The following RIMS1 variants were observed in gnomAD, a reference collection of about 807,000 sequenced individuals.
RIMS1 encodes regulating synaptic membrane exocytosis protein 1.
In RIMS1, 83 loss-of-function variants were observed where a neutral mutation model predicts 214.1. The observed-to-expected ratio is 0.39, with a 90% CI of 0.32 to 0.47. The LOEUF is 0.47. Ranked by LOEUF, RIMS1 falls within the 20% of genes least tolerant of loss-of-function variation. The pLI is 0.99. For missense variants in RIMS1, 2,050 were observed against 2,161.8 expected (o/e 0.95, Z 1.03); for synonymous variants, 793 against 786.8 (o/e 1.01, Z -0.13).
At chr6:71,982,701 C>A (rs923456599) in intron 2 of RIMS1, among the ~76,000 whole-genome samples, 13 of 152,220 alleles carry the variant, frequency 8.5e-5, no homozygotes, top group African/African-American at 3.1e-4. Context: ...ACATCTGTTC[C>A]TTCTGTCAGT....
chr6:72,137,956 T>C lies in RIMS1; in HGVS notation c.471+37970T>C, dbSNP rs2041565537. 6.6e-5 allele frequency among the ~76,000 whole-genome samples: 10 copies of C among 152,204 alleles called. No homozygotes were observed. The South Asian group carries it at 2.1e-3, about 32-fold the overall frequency. On this transcript the variant is annotated intron_variant, in intron 4 of 33. Coordinates refer to ENST00000521978, the MANE Select transcript of RIMS1 (RefSeq NM_014989.7). ...TTTCACCATGTTAGCCAGGATGGTC[T>C]CGATCTCCTGACCTCGTGATCCACC... is the stretch of plus-strand genomic sequence containing the variant.
chr6:72,109,162 C>T (rs1425485939), intron 4 of RIMS1, among the ~76,000 whole-genome samples: 10 of 152,062 alleles, frequency 6.6e-5, no homozygotes, highest in East Asian at 1.9e-4. Context: ...AATAAACATA[C>T]GTGTGCATGT....
At chr6:71,996,719 G>A (rs1437415178) in intron 2 of RIMS1, among the ~76,000 whole-genome samples, 1 of 152,116 alleles carries the variant, frequency 6.6e-6, no homozygotes, top group East Asian at 1.9e-4. Context: ...GTTCTTCCTG[G>A]CACAACCTCT....
chr6:72,333,551 C>T (rs1190097529), intron 28 of RIMS1, 49 bp from the exon 29 acceptor site: 1 of 1,350,658 alleles, frequency 7.4e-7, no homozygotes, highest in East Asian at 2.5e-5. Context: ...TTCAGTGATG[C>T]TGACCTGTAA....
chr6:71,959,070 G>A, intron 1 of RIMS1, among the ~76,000 whole-genome samples: 1 of 152,020 alleles, frequency 6.6e-6, no homozygotes, highest in East Asian at 1.9e-4. Context: ...AAAGAGGCCT[G>A]TGACCTCTTG....
At chr6:71,916,829 G>GTTA (rs1778580533) in intron 1 of RIMS1, among the ~76,000 whole-genome samples, 1 of 152,064 alleles carries the variant, frequency 6.6e-6, no homozygotes, top group South Asian at 2.1e-4. Flanking sequence ...TAATTAGTTA[G>GTTA]TTATTGCCAG....
intron 4 of RIMS1, among the ~76,000 whole-genome samples, chr6:72,162,158 T>G (rs1032516960): frequency 7.1e-6 from 1 of 140,846 alleles, no homozygotes; most frequent in African/African-American, 2.5e-5. Flanking sequence ...TCTTTGTCTC[T>G]TTTGATCTTT....
At chr6:72,285,933 C>G (rs2092147645) in intron 24 of RIMS1, among the ~76,000 whole-genome samples, 1 of 152,072 alleles carries the variant, frequency 6.6e-6, no homozygotes, top group African/African-American at 2.4e-5. Context: ...CATGGTGGCT[C>G]ACACCTGTAA....
At chr6:72,331,879 A>T (rs533983575) in intron 28 of RIMS1, among the ~76,000 whole-genome samples, 146 of 151,962 alleles carry the variant, frequency 9.6e-4, no homozygotes, top group African/African-American at 3.3e-3. Context: ...AGTTCAAGTA[A>T]TGCAGCTAAG....
At chr6:72,323,285 G>A (rs1369878818) in intron 28 of RIMS1, among the ~76,000 whole-genome samples, 1 of 151,974 alleles carries the variant, frequency 6.6e-6, no homozygotes, top group African/African-American at 2.4e-5. Flanking sequence ...TATGAGTCAT[G>A]TTTAACAACG....
At chr6:72,112,187 G>T (rs1016017111) in intron 4 of RIMS1, among the ~76,000 whole-genome samples, 9 of 151,804 alleles carry the variant, frequency 5.9e-5, no homozygotes, top group South Asian at 2.1e-4. Flanking sequence ...CAGGAATTTG[G>T]CTCTGTCTTC....
At chr6:72,171,493 T>C (rs1358746977) in intron 4 of RIMS1, among the ~76,000 whole-genome samples, 2 of 152,072 alleles carry the variant, frequency 1.3e-5, no homozygotes, top group Admixed American at 1.3e-4. Flanking sequence ...AAAATAACCA[T>C]TATAATGCTG....
intron 1 of RIMS1, among the ~76,000 whole-genome samples, chr6:71,897,990 G>T (rs372706762): frequency 6.6e-6 from 1 of 152,094 alleles, no homozygotes; most frequent in Non-Finnish European, 1.5e-5. Flanking sequence ...TTTAGTTATC[G>T]AGAGAACCAG....
At chr6:71,988,845 T>C (rs1355882308) in intron 2 of RIMS1, among the ~76,000 whole-genome samples, 1 of 152,220 alleles carries the variant, frequency 6.6e-6, no homozygotes, top group Non-Finnish European at 1.5e-5. Context: ...TTTATGTGAA[T>C]AAAGTAATTT....
intron 6 of RIMS1, among the ~76,000 whole-genome samples, chr6:72,206,855 C>G (rs1244080025): frequency 6.6e-6 from 1 of 152,186 alleles, no homozygotes; most frequent in East Asian, 1.9e-4. Flanking sequence ...TCTGCACTAC[C>G]TTTCAGTGGG....
At chr6:71,960,338 G>T (rs1374309162) in intron 1 of RIMS1, among the ~76,000 whole-genome samples, 1 of 152,086 alleles carries the variant, frequency 6.6e-6, no homozygotes, top group Non-Finnish European at 1.5e-5. Context: ...GCTGTGAGGG[G>T]TGCTGGAATT....
chr6:72,162,430 A>G lies in RIMS1; in HGVS notation c.472-17145A>G, dbSNP rs1161329251. The stretch of plus-strand genomic sequence containing the variant: ...TATGTATGAATTTGATCCTGTCATT[A>G]TGATGTTAGCTGGTTATTTTGCTTG... On this transcript the variant is annotated intron_variant, in intron 4 of 33. Coordinates refer to ENST00000521978, the MANE Select transcript of RIMS1 (RefSeq NM_014989.7). Among the ~76,000 whole-genome samples the G allele has an allele frequency of 7.1e-5, 10 of 140,644 alleles. 1 individual carries two copies. The highest frequency in any genetic ancestry group is 2.5e-4 in the African/African-American group (10 of 40,604). The allele number at this position is 140,644 out of a possible 152,430, so 92.3% of individuals were successfully genotyped here.
At chr6:71,992,884 C>A (rs1802316470) in intron 2 of RIMS1, among the ~76,000 whole-genome samples, 1 of 152,128 alleles carries the variant, frequency 6.6e-6, no homozygotes, top group African/African-American at 2.4e-5. Context: ...TTATCTGGAA[C>A]TCCTAGGCTC....
intron 2 of RIMS1, among the ~76,000 whole-genome samples, chr6:72,053,597 T>C (rs1474214893): frequency 6.6e-6 from 1 of 152,144 alleles, no homozygotes; most frequent in African/African-American, 2.4e-5. Context: ...TAAAGATATA[T>C]GCAGTTATTC....
Sources: allele counts gnomAD v4.1 joint callset (sites outside exome capture counted in the v4.1 genomes callset), GRCh38; gene constraint gnomAD v4.1.1; transcripts MANE v1.5; gene names NCBI Gene and HGNC (gene_info 2026-07-23, HGNC 2026-07-21).